The following MSI2 variants were observed in gnomAD, a reference collection of about 807,000 sequenced individuals.
The protein encoded by MSI2 is RNA-binding protein Musashi homolog 2.
Under a neutral mutation model 45.6 loss-of-function variants are expected in MSI2, and 17 were observed. That is an observed-to-expected ratio of 0.37 (90% CI 0.26 to 0.56). MSI2 has a LOEUF of 0.56. Ranked by LOEUF, MSI2 falls within the 20% of genes least tolerant of loss-of-function variation. The pLI is 0.77. For synonymous variants in MSI2, 156 were observed against 158.2 expected, an observed-to-expected ratio of 0.99 and a Z score of 0.11; for missense variants, 293 against 444.2, an observed-to-expected ratio of 0.66 and a Z score of 3.06.
chr17:57,499,677 C>T (rs1395737417), intron 6 of MSI2, among the ~76,000 whole-genome samples: 5 of 152,154 alleles, frequency 3.3e-5, no homozygotes, highest in Admixed American at 2.0e-4. Flanking sequence ...GGAATTTGGG[C>T]GGGACTCAAC....
chr17:57,314,115 T>G (rs1912643002), intron 5 of MSI2, among the ~76,000 whole-genome samples: 1 of 152,174 alleles, frequency 6.6e-6, no homozygotes, highest in Non-Finnish European at 1.5e-5. Flanking sequence ...GGCTTCTAGA[T>G]GGCTGTTTTC....
chr17:57,326,857 T>C (rs1276548638), intron 5 of MSI2, among the ~76,000 whole-genome samples: 1 of 152,168 alleles, frequency 6.6e-6, no homozygotes, highest in Non-Finnish European at 1.5e-5. Flanking sequence ...CACGGACTAG[T>C]AGCAATTGGA....
At chr17:57,480,535 C>T (rs1445526866) in intron 6 of MSI2, among the ~76,000 whole-genome samples, 1 of 152,166 alleles carries the variant, frequency 6.6e-6, no homozygotes, top group Non-Finnish European at 1.5e-5. Context: ...AGAGTATCTG[C>T]CTTACCCTAA....
chr17:57,633,893 C>G (rs567782582), intron 10 of MSI2, among the ~76,000 whole-genome samples: 2 of 152,126 alleles, frequency 1.3e-5, no homozygotes, highest in Non-Finnish European at 2.9e-5. Flanking sequence ...ATTTTTATCC[C>G]CCATGAGGGA....
rs35606406 is a variant in MSI2 at position 57,597,466 on chromosome 17, TAA to T, written c.537+539_537+540del. Among the ~76,000 whole-genome samples the T allele has an allele frequency of 3.5e-3, 307 of 87,094 alleles. 1 individual carries two copies. The highest frequency in any genetic ancestry group is 0.012 in the Middle Eastern group (2 of 164). The allele number at this position is 87,094 out of a possible 152,430, so 57.1% of individuals were successfully genotyped here. On this transcript the variant is annotated intron_variant, in intron 8 of 13. Coordinates refer to ENST00000284073, the MANE Select transcript of MSI2 (RefSeq NM_138962.4). The stretch of plus-strand genomic sequence containing the variant: ...GGAAACATAGCCAGACCTCATCTCT[TAA>T]AAAAAAAAAAAAAAAAAAAAAATTA...
At chr17:57,424,225 A>G (rs766069662) in intron 6 of MSI2, among the ~76,000 whole-genome samples, 11 of 152,244 alleles carry the variant, frequency 7.2e-5, no homozygotes, top group Non-Finnish European at 1.5e-4. Context: ...GAAGGACTAA[A>G]TGAATCAGGA....
At chr17:57,538,710 C>T (rs1487169001) in intron 7 of MSI2, among the ~76,000 whole-genome samples, 1 of 152,130 alleles carries the variant, frequency 6.6e-6, no homozygotes, top group Non-Finnish European at 1.5e-5. Flanking sequence ...AAATAAAACC[C>T]TTTCGTGGTT....
intron 7 of MSI2, among the ~76,000 whole-genome samples, chr17:57,550,783 A>G (rs117076182): frequency 6.6e-6 from 1 of 152,084 alleles, no homozygotes; most frequent in Non-Finnish European, 1.5e-5. Context: ...GCAGGGTTAG[A>G]CAGTTCGCAC....
chr17:57,603,331 A>G (rs1163383913), intron 8 of MSI2, among the ~76,000 whole-genome samples: 2 of 152,212 alleles, frequency 1.3e-5, no homozygotes, highest in Admixed American at 6.5e-5. Flanking sequence ...CTTGTCCCCA[A>G]GTCGGGACCT....
chr17:57,548,640 G>A (rs1351975744), intron 7 of MSI2, among the ~76,000 whole-genome samples: 1 of 151,622 alleles, frequency 6.6e-6, no homozygotes, highest in East Asian at 1.9e-4. Context: ...GTGGTGTAGT[G>A]AGCTGTAAAC....
chr17:57,610,145 T>G (rs893582535), intron 8 of MSI2, among the ~76,000 whole-genome samples: 2 of 151,996 alleles, frequency 1.3e-5, no homozygotes, highest in African/African-American at 4.8e-5. Context: ...CATACCAACT[T>G]ACTCTCAAAT....
At chr17:57,674,372 A>G (rs1477432026) in intron 11 of MSI2, among the ~76,000 whole-genome samples, 1 of 152,134 alleles carries the variant, frequency 6.6e-6, no homozygotes, top group Non-Finnish European at 1.5e-5. Flanking sequence ...TCCAAAAACC[A>G]AAAAGAAAAA....
intron 10 of MSI2, among the ~76,000 whole-genome samples, chr17:57,649,888 A>C (rs372329696): frequency 1.3e-4 from 20 of 152,236 alleles, no homozygotes; most frequent in African/African-American, 4.8e-4. Flanking sequence ...TTTCAGATGT[A>C]GGGCACAGAG....
At chr17:57,289,010 C>A (rs1910161141) in intron 5 of MSI2, among the ~76,000 whole-genome samples, 1 of 152,152 alleles carries the variant, frequency 6.6e-6, no homozygotes, top group Admixed American at 6.5e-5. Flanking sequence ...TGGTCTAGCA[C>A]TATAGGTCAC....
At chr17:57,557,335 A>G (rs979410351) in intron 7 of MSI2, among the ~76,000 whole-genome samples, 3 of 152,232 alleles carry the variant, frequency 2.0e-5, no homozygotes, top group African/African-American at 7.2e-5. Context: ...ACACAAAAAA[A>G]GCACAGGAGT....
At chr17:57,667,352 C>T (rs931963446) in intron 11 of MSI2, among the ~76,000 whole-genome samples, 1 of 152,170 alleles carries the variant, frequency 6.6e-6, no homozygotes, top group Non-Finnish European at 1.5e-5. Context: ...GTTTTCCCTC[C>T]TCTTCTGAAG....
chr17:57,397,591 A>C (rs1238599519), intron 5 of MSI2, among the ~76,000 whole-genome samples: 1 of 152,204 alleles, frequency 6.6e-6, no homozygotes, highest in African/African-American at 2.4e-5. Context: ...AACCGAGAGA[A>C]GAATGTGTGA....
chr17:57,487,415 A>G (rs1423733058), intron 6 of MSI2, among the ~76,000 whole-genome samples: 1 of 152,104 alleles, frequency 6.6e-6, no homozygotes, highest in Non-Finnish European at 1.5e-5. Context: ...ATTGCACCCA[A>G]AAAAACTGCT....
intron 6 of MSI2, among the ~76,000 whole-genome samples, chr17:57,525,559 A>G (rs942321226): frequency 6.6e-6 from 1 of 152,170 alleles, no homozygotes; most frequent in African/African-American, 2.4e-5. Context: ...AAGTGCTGGG[A>G]TTACTAGACA....
Sources: gnomAD v4.1 joint callset for allele counts (sites outside exome capture counted in the v4.1 genomes callset) on GRCh38, gnomAD v4.1.1 for gene constraint, MANE v1.5 for transcripts, NCBI Gene and HGNC (gene_info 2026-07-23, HGNC 2026-07-21) for gene names.